GPC3: variants seen among roughly 807,000 people sequenced by gnomAD.
GPC3 encodes glypican 3.
In GPC3, 3 loss-of-function variants were observed where a neutral mutation model predicts 34.4. The observed-to-expected ratio is 0.09, with a 90% CI of 0.04 to 0.23. The LOEUF is 0.23. GPC3 is among the 10% of genes least tolerant of loss of function. The probability of loss-of-function intolerance (pLI) is 1.00; values close to 1 mark genes in which losing one functional copy is unlikely to be tolerated. For missense variants in GPC3, 351 were observed against 445.6 expected, an observed-to-expected ratio of 0.79 and a Z score of 1.91; for synonymous variants, 177 against 174.0, an observed-to-expected ratio of 1.02 and a Z score of -0.13.
chrX:133,709,715 A>G (rs2071250790), intron 3 of GPC3, among the ~76,000 whole-genome samples: 1 of 112,075 alleles, frequency 8.9e-6, no homozygotes, highest in South Asian at 3.7e-4. Flanking sequence ...CTGCTTCCAC[A>G]AACTGCATGG....
intron 7 of GPC3, among the ~76,000 whole-genome samples, chrX:133,554,002 TTC>T (rs139778698): frequency 4.7e-5 from 5 of 107,002 alleles, no homozygotes; most frequent in African/African-American, 7.0e-5. Flanking sequence ...ACTATCCTCT[TTC>T]TCTCTCTCTC....
At chrX:133,871,911 A>G (rs1290641548) in intron 2 of GPC3, among the ~76,000 whole-genome samples, 2 of 112,037 alleles carry the variant, frequency 1.8e-5, no homozygotes, top group Non-Finnish European at 3.8e-5. Context: ...AATGCCCAAG[A>G]AACTTAAAGA....
chrX:133,868,888 C>T (rs773096913), intron 2 of GPC3, among the ~76,000 whole-genome samples: 1 of 111,883 alleles, frequency 8.9e-6, no homozygotes, highest in South Asian at 3.8e-4. Context: ...CCATCTGTAT[C>T]TACTTAAGCC....
At chrX:133,691,498 CA>C (rs35766324) in intron 5 of GPC3, among the ~76,000 whole-genome samples, 18 of 91,949 alleles carry the variant, frequency 2.0e-4, no homozygotes, top group South Asian at 5.0e-4. Flanking sequence ...GACTCTGTCT[CA>C]AAAAAAAAAA....
intron 2 of GPC3, among the ~76,000 whole-genome samples, chrX:133,872,068 C>G (rs2124576275): frequency 9.0e-6 from 1 of 111,444 alleles, no homozygotes; most frequent in East Asian, 2.8e-4. Flanking sequence ...CTCAGCCTCC[C>G]AAGTAGCTAG....
chrX:133,924,242 C>A (rs752598525), intron 2 of GPC3, among the ~76,000 whole-genome samples: 33 of 111,422 alleles, frequency 3.0e-4, no homozygotes, highest in Non-Finnish European at 1.3e-4. Context: ...ATGAGTTTAT[C>A]GCACAATATA....
At chrX:133,716,707 T>C (rs191810322) in intron 3 of GPC3, among the ~76,000 whole-genome samples, 2 of 111,310 alleles carry the variant, frequency 1.8e-5, no homozygotes. Flanking sequence ...TGTGCCAACA[T>C]ACATATAATG....
At chrX:133,752,878 T>C (rs769904285) in intron 3 of GPC3, among the ~76,000 whole-genome samples, 7 of 112,172 alleles carry the variant, frequency 6.2e-5, no homozygotes, top group Non-Finnish European at 1.1e-4. Flanking sequence ...ATATACATGA[T>C]TGAAAACACC....
intron 7 of GPC3, among the ~76,000 whole-genome samples, chrX:133,591,543 C>G (rs922828361): frequency 9.0e-6 from 1 of 111,487 alleles, no homozygotes; most frequent in Non-Finnish European, 1.9e-5. Flanking sequence ...GGCTAGGCAT[C>G]ATTTTTCCTC....
At chrX:133,670,637 T>G (rs2070817706) in intron 5 of GPC3, among the ~76,000 whole-genome samples, 1 of 111,520 alleles carries the variant, frequency 9.0e-6, no homozygotes, top group African/African-American at 3.3e-5. Flanking sequence ...CCTAACTCAG[T>G]GATTTATCTG....
chrX:133,904,648 A>G (rs1264630158), intron 2 of GPC3, among the ~76,000 whole-genome samples: 2 of 111,949 alleles, frequency 1.8e-5, no homozygotes, highest in Non-Finnish European at 3.8e-5. Flanking sequence ...CTCACAGATT[A>G]AAATGTTGAT....
At chrX:133,653,649 A>G (rs914541474) in intron 6 of GPC3, among the ~76,000 whole-genome samples, 7 of 111,754 alleles carry the variant, frequency 6.3e-5, no homozygotes, top group African/African-American at 2.3e-4. Context: ...CAACTGCCCA[A>G]TGAGTTGAAT....
Position 133,908,779 on chromosome X carries a change from G to A in GPC3, c.337+44271C>T, listed in dbSNP as rs185265534. 3.0e-3 allele frequency among the ~76,000 whole-genome samples: 336 copies of A among 110,419 alleles called. 3 individuals are homozygous for A. Among genetic ancestry groups the A allele is most frequent in the African/African-American group, 0.01 (317 of 30,395 alleles). ...CACATTGTTGGCTCATATTAAACTT[G>A]TGATCAACTAAATCCCCAAGAACTT... On this transcript the variant is annotated intron_variant, in intron 2 of 7. Transcript: ENST00000370818.
chrX:133,735,801 A>G (rs2071505779), intron 3 of GPC3, among the ~76,000 whole-genome samples: 1 of 108,784 alleles, frequency 9.2e-6, no homozygotes, highest in Admixed American at 9.9e-5. Flanking sequence ...CATCTCTACA[A>G]AAAATACAAA....
At chrX:133,751,043 A>G (rs773632070) in intron 3 of GPC3, among the ~76,000 whole-genome samples, 1 of 107,822 alleles carries the variant, frequency 9.3e-6, no homozygotes, top group Non-Finnish European at 1.9e-5. Context: ...ACTGCACTCC[A>G]GCCTGGGCGA....
At chrX:133,803,240 C>T (rs1411106341) in intron 2 of GPC3, among the ~76,000 whole-genome samples, 1 of 112,325 alleles carries the variant, frequency 8.9e-6, no homozygotes, top group Non-Finnish European at 1.9e-5. Context: ...GGAAGATATT[C>T]TAAAAGTAAA....
chrX:133,748,529 C>T (rs926574593), intron 3 of GPC3, among the ~76,000 whole-genome samples: 2 of 111,207 alleles, frequency 1.8e-5, no homozygotes, highest in Non-Finnish European at 3.8e-5. Flanking sequence ...TTGGACTTTT[C>T]AGCACAAATC....
chrX:133,657,083 C>T (rs2070670864), intron 6 of GPC3, among the ~76,000 whole-genome samples: 1 of 111,961 alleles, frequency 8.9e-6, no homozygotes, highest in African/African-American at 3.2e-5. Context: ...AGCTCTGACA[C>T]CAAGTGGGCA....
intron 2 of GPC3, among the ~76,000 whole-genome samples, chrX:133,799,120 G>A (rs1459840035): frequency 6.2e-5 from 7 of 112,265 alleles, no homozygotes; most frequent in Non-Finnish European, 1.3e-4. Flanking sequence ...GACTGGGCAC[G>A]GTGGCTCACG....
Sources: gnomAD v4.1 joint callset for allele counts (sites outside exome capture counted in the v4.1 genomes callset) on GRCh38, gnomAD v4.1.1 for gene constraint, MANE v1.5 for transcripts, NCBI Gene and HGNC (gene_info 2026-07-23, HGNC 2026-07-21) for gene names.